Variants in BRINP2 observed in about 807,000 individuals in gnomAD.
The protein encoded by BRINP2 is BMP/retinoic acid inducible neural specific 2.
BRINP2 carries 21 observed loss-of-function variants against 69.2 expected under a neutral mutation model. The observed-to-expected ratio is 0.30, with a 90% CI of 0.22 to 0.44. The LOEUF (loss-of-function observed/expected upper bound fraction) is 0.44, where lower values mean the gene tolerates loss of function less well. Among genes scored for constraint, BRINP2 ranks in the 20% least tolerant of loss-of-function variants. BRINP2 has a pLI of 1.00. For synonymous variants in BRINP2, 380 were observed against 394.1 expected (o/e 0.96, Z 0.42); for missense variants, 877 against 986.0 (o/e 0.89, Z 1.48).
chr1:177,266,595 T>A (rs909707433), intron 4 of BRINP2, among the ~76,000 whole-genome samples: 91 of 151,434 alleles, frequency 6.0e-4, no homozygotes, highest in African/African-American at 2.2e-3. Context: ...CGGTCTCTAC[T>A]AAAAATACCA....
At chr1:177,235,652 A>T (rs1218987999) in intron 2 of BRINP2, among the ~76,000 whole-genome samples, 2 of 152,328 alleles carry the variant, frequency 1.3e-5, no homozygotes, top group East Asian at 3.9e-4. Flanking sequence ...ACTGATTTGG[A>T]TAAACAGCGA....
At chr1:177,193,659 G>A (rs1648655655) in intron 1 of BRINP2, among the ~76,000 whole-genome samples, 2 of 152,208 alleles carry the variant, frequency 1.3e-5, no homozygotes, top group Admixed American at 6.5e-5. Context: ...TTTGAGCCAT[G>A]CCACTAAAGC....
intron 1 of BRINP2, among the ~76,000 whole-genome samples, chr1:177,188,826 A>AT (rs11431448): frequency 0.59 from 89,784 of 151,908 alleles, 28,056 homozygotes; most frequent in African/African-American, 0.8. Flanking sequence ...TTTATAGAAA[A>AT]AAACCCACAC....
chr1:177,236,104 A>G (rs2102329737), intron 2 of BRINP2, among the ~76,000 whole-genome samples: 1 of 152,338 alleles, frequency 6.6e-6, no homozygotes, highest in African/African-American at 2.4e-5. Flanking sequence ...AGGGGTGAGA[A>G]GGTAGGAGAG....
At chr1:177,275,291 C>A in intron 5 of BRINP2, 1 of 455,208 alleles carries the variant, frequency 2.2e-6, no homozygotes, top group South Asian at 1.5e-5. Flanking sequence ...AAGCTCAGAG[C>A]AATTTAGTGC....
intron 2 of BRINP2, among the ~76,000 whole-genome samples, chr1:177,238,548 G>A (rs1175653864): frequency 6.6e-6 from 1 of 152,212 alleles, no homozygotes; most frequent in Admixed American, 6.5e-5. Flanking sequence ...ATGATCAGAA[G>A]CGTTTCCCAT....
At chr1:177,244,474 T>G (rs1424594333) in intron 2 of BRINP2, among the ~76,000 whole-genome samples, 2 of 152,066 alleles carry the variant, frequency 1.3e-5, no homozygotes, top group African/African-American at 2.4e-5. Context: ...TAAAAATAAT[T>G]TCTTCCTTAG....
chr1:177,171,757 T>A (rs72720751), intron 1 of BRINP2, 25 bp downstream of exon 1: 1 of 152,172 alleles, frequency 6.6e-6, no homozygotes, highest in Non-Finnish European at 1.5e-5. Flanking sequence ...TTTCGGTGAT[T>A]TTTCTCCCCT....
At chr1:177,188,142 C>T (rs781640565) in intron 1 of BRINP2, among the ~76,000 whole-genome samples, 35 of 152,274 alleles carry the variant, frequency 2.3e-4, no homozygotes, top group Non-Finnish European at 4.3e-4. Context: ...TGTTATCTTT[C>T]TAGTTAGCAT....
intron 4 of BRINP2, among the ~76,000 whole-genome samples, chr1:177,270,551 G>T (rs544219018): frequency 2.6e-5 from 4 of 151,956 alleles, no homozygotes; most frequent in African/African-American, 9.7e-5. Flanking sequence ...AGGGAGAAGT[G>T]GGGGGAAAGG....
intron 2 of BRINP2, among the ~76,000 whole-genome samples, chr1:177,250,614 G>A (rs887623680): frequency 3.9e-5 from 6 of 152,140 alleles, no homozygotes; most frequent in South Asian, 2.1e-4. Flanking sequence ...CATGAACCAC[G>A]GCGCCCGGCT....
At chr1:177,268,289 C>A (rs1558184074) in intron 4 of BRINP2, among the ~76,000 whole-genome samples, 1 of 152,242 alleles carries the variant, frequency 6.6e-6, no homozygotes, top group African/African-American at 2.4e-5. Context: ...ATATACACAG[C>A]AGCACATCCT....
chr1:177,271,586 T>C (rs1651329087), intron 4 of BRINP2, among the ~76,000 whole-genome samples: 1 of 152,162 alleles, frequency 6.6e-6, no homozygotes, highest in Non-Finnish European at 1.5e-5. Context: ...AGAGTGATAG[T>C]AATGAGATTT....
At chr1:177,199,346 A>T (rs985117630) in intron 1 of BRINP2, among the ~76,000 whole-genome samples, 6 of 152,206 alleles carry the variant, frequency 3.9e-5, no homozygotes, top group Non-Finnish European at 8.8e-5. Flanking sequence ...ACTTTGCCCC[A>T]CATGAGTCCA....
intron 2 of BRINP2, among the ~76,000 whole-genome samples, chr1:177,254,785 C>T (rs546731770): frequency 6.6e-6 from 1 of 152,124 alleles, no homozygotes; most frequent in Admixed American, 6.5e-5. Context: ...AATGAAAATT[C>T]AAAGTTTAGA....
At chr1:177,280,200 A>G (rs1651645210) in intron 7 of BRINP2, among the ~76,000 whole-genome samples, 1 of 152,196 alleles carries the variant, frequency 6.6e-6, no homozygotes, top group Non-Finnish European at 1.5e-5. Context: ...GGTGTCCAGT[A>G]TTTCTGGTGC....
chr1:177,256,430 C>G (rs1404211026), intron 3 of BRINP2: 1 of 985,298 alleles, frequency 1.0e-6, no homozygotes, highest in African/African-American at 1.7e-5. Flanking sequence ...TCGCCACTTT[C>G]TAATGTTTGC....
At chr1:177,171,834 C>T (rs936191057) in intron 1 of BRINP2, 102 bp downstream of exon 1, 1 of 152,144 alleles carries the variant, frequency 6.6e-6, no homozygotes, top group African/African-American at 2.4e-5. Context: ...ACCCTCTTGC[C>T]CTGGTGCCTG....
intron 2 of BRINP2, among the ~76,000 whole-genome samples, chr1:177,238,173 C>T (rs1055198995): frequency 7.9e-5 from 12 of 152,132 alleles, no homozygotes; most frequent in African/African-American, 2.4e-4. Flanking sequence ...GGAAGACCCA[C>T]GTATGCAAAG....
Sources: allele counts gnomAD v4.1 joint callset (sites outside exome capture counted in the v4.1 genomes callset), GRCh38; gene constraint gnomAD v4.1.1; transcripts MANE v1.5; gene names NCBI Gene and HGNC (gene_info 2026-07-23, HGNC 2026-07-21).